The following SEL1L3 variants were observed in gnomAD, a reference collection of about 807,000 sequenced individuals.
SEL1L3 encodes the protein SEL1L family member 3.
SEL1L3 carries 76 observed loss-of-function variants against 142.8 expected under a neutral mutation model. The ratio of observed to expected loss-of-function variants is 0.53; its 90% CI spans 0.44 to 0.64. SEL1L3 has a LOEUF of 0.64. Ranked by LOEUF, SEL1L3 falls within the 30% of genes least tolerant of loss-of-function variation. The probability of loss-of-function intolerance (pLI) is 0.00; values close to 1 mark genes in which losing one functional copy is unlikely to be tolerated. For missense variants in SEL1L3, 1,262 were observed against 1,381.7 expected, an observed-to-expected ratio of 0.91 and a Z score of 1.37; for synonymous variants, 504 against 519.6, an observed-to-expected ratio of 0.97 and a Z score of 0.41.
intron 3 of SEL1L3, among the ~76,000 whole-genome samples, chr4:25,834,965 C>CA (rs1414514975): frequency 6.6e-6 from 1 of 152,150 alleles, no homozygotes; most frequent in Non-Finnish European, 1.5e-5. Flanking sequence ...TACTCGTTGT[C>CA]ATGTAAGGAG....
Position 25,847,364 on chromosome 4 carries a change from G to A in SEL1L3, c.663C>T (p.Cys221=). 1 of 1,613,958 alleles carries A rather than the reference G, an allele frequency of 6.2e-7. No individual in the cohort carries two copies. ...FERPFKDHQV[C]LEWNMGYIWN... The stretch of plus-strand genomic sequence containing the variant: ...AAATATAACCCATGTTCCACTCAAG[G>A]CACACTTGATGATCTTTGAAAGGGC... The change falls in exon 2 of 24, where the codon TGC becomes TGT. Residue 221 remains cysteine, a synonymous_variant. Coordinates refer to ENST00000399878, the MANE Select transcript of SEL1L3 (RefSeq NM_015187.5).
chr4:25,741,094 A>T, the SEL1L3 span, among the ~76,000 whole-genome samples: 1 of 135,992 alleles, frequency 7.4e-6, no homozygotes, highest in South Asian at 2.4e-4. Context: ...CATATTACCT[A>T]TATTGCTTTC....
the SEL1L3 span, among the ~76,000 whole-genome samples, chr4:25,736,980 T>TC: frequency 8.1e-6 from 1 of 123,698 alleles, no homozygotes; most frequent in African/African-American, 2.8e-5. Context: ...TCTTTTTTTT[T>TC]CTTTTTCTTT....
intron 16 of SEL1L3, among the ~76,000 whole-genome samples, chr4:25,777,110 C>T (rs745720305): frequency 5.3e-5 from 8 of 151,842 alleles, no homozygotes; most frequent in African/African-American, 1.7e-4. Flanking sequence ...CATGCATTGA[C>T]ATTTAAGAAT....
the SEL1L3 span, among the ~76,000 whole-genome samples, chr4:25,727,397 C>G: frequency 6.6e-6 from 1 of 152,096 alleles, no homozygotes; most frequent in Non-Finnish European, 1.5e-5. Context: ...ATAGGACCAC[C>G]CTAAAAACCT....
Position 25,804,614 on chromosome 4 carries a change from C to T in SEL1L3, c.1703G>A (p.Gly568Glu). The change falls in exon 10 of 24, where the codon GGA (glycine) becomes GAA (glutamate). Residue 568 changes from glycine (G) to glutamate (E), a missense_variant. Physicochemically the swap from Gly to Glu is moderately conservative, Grantham distance 98. Coordinates refer to ENST00000399878, the MANE Select transcript of SEL1L3 (RefSeq NM_015187.5). ...VPFLTDSSCCGYHKASYYLAV... is the reference protein window; with the variant it reads ...VPFLTDSSCCEYHKASYYLAV... ...AAGGTAGTAGGATGCTTTATGGTAT[C>T]CACAGCAGCTGGAATCCGTCAGAAA... 6.2e-7 allele frequency: 1 copy of T among 1,613,906 alleles called. No homozygotes were observed. Among genetic ancestry groups the T allele is most frequent in the Non-Finnish European group, 8.5e-7 (1 of 1,179,842 alleles).
chr4:25,767,013 C>A (rs1274157939), intron 19 of SEL1L3, among the ~76,000 whole-genome samples: 1 of 152,164 alleles, frequency 6.6e-6, no homozygotes, highest in Non-Finnish European at 1.5e-5. Flanking sequence ...TGTTGGGGGC[C>A]AGGTGCAGTG....
In SEL1L3 at chr4:25,765,476, T is replaced by C. The variant is rs1718656315; in HGVS notation, c.2846-41A>G. On this transcript the variant is annotated intron_variant, in intron 19 of 23. Coordinates refer to ENST00000399878, the MANE Select transcript of SEL1L3 (RefSeq NM_015187.5). The stretch of plus-strand genomic sequence containing the variant: ...CACAGATCCATTTGTCAAGTGGTTT[T>C]TTTTATACCAACATTTTAAATTATT... 2.3e-6 allele frequency: 3 copies of C among 1,289,818 alleles called. No individual in the cohort carries two copies. The African/African-American group carries it at 4.4e-5, about 19-fold the overall frequency. The allele number at this position is 1,289,818 out of a possible 1,614,324, so 79.9% of individuals were successfully genotyped here. A position where few individuals can be genotyped will look rare whatever the true frequency, so the allele number is the denominator to read the frequency against.
intron 1 of SEL1L3, among the ~76,000 whole-genome samples, chr4:25,854,193 G>A (rs982404208): frequency 2.0e-5 from 3 of 152,186 alleles, no homozygotes; most frequent in South Asian, 2.1e-4. Flanking sequence ...GGGTGTGGCC[G>A]TGGTCCCATA....
intron 17 of SEL1L3, chr4:25,770,186 TG>T (rs888316521): frequency 1.3e-5 from 2 of 151,998 alleles, no homozygotes. Flanking sequence ...TCAGAATGGG[TG>T]GGGGAGATGG....
chr4:25,720,727 C>T, the SEL1L3 span: 8 of 152,212 alleles, frequency 5.3e-5, no homozygotes, highest in South Asian at 1.5e-3. Flanking sequence ...AGCCCATCAG[C>T]GATAGTAAAG....
the SEL1L3 span, among the ~76,000 whole-genome samples, chr4:25,736,221 C>A: frequency 1.4e-5 from 2 of 147,766 alleles, no homozygotes; most frequent in African/African-American, 5.0e-5. Context: ...GATTGTGTGT[C>A]TGTGTGTGTG....
At chr4:25,714,552 C>CTTTCTTTCTTCT in the SEL1L3 span, among the ~76,000 whole-genome samples, 1 of 78,394 alleles carries the variant, frequency 1.3e-5, no homozygotes, top group Non-Finnish European at 2.6e-5. Flanking sequence ...TTCTTTCTTT[C>CTTTCTTTCTTCT]TTCTTTCTTT....
chr4:25,823,780 A>G (rs1279953517), intron 6 of SEL1L3, among the ~76,000 whole-genome samples: 1 of 152,126 alleles, frequency 6.6e-6, no homozygotes, highest in East Asian at 1.9e-4. Flanking sequence ...GAGCCGAAGG[A>G]GCAAAGGGCC....
chr4:25,769,271 G>A (rs550900423), intron 17 of SEL1L3, among the ~76,000 whole-genome samples: 12 of 152,248 alleles, frequency 7.9e-5, no homozygotes, highest in African/African-American at 2.9e-4. Context: ...CTTGGAGACC[G>A]AGAGGTGCTG....
intron 23 of SEL1L3, among the ~76,000 whole-genome samples, chr4:25,754,762 T>G (rs1717843675): frequency 6.6e-6 from 1 of 152,330 alleles, no homozygotes; most frequent in South Asian, 2.1e-4. Context: ...ATAAGAATGC[T>G]GGATGATTCA....
intron 1 of SEL1L3, among the ~76,000 whole-genome samples, chr4:25,851,470 G>A (rs1443425588): frequency 1.3e-5 from 2 of 152,052 alleles, no homozygotes; most frequent in African/African-American, 2.4e-5. Context: ...TTGCTTACAC[G>A]GATAAGAATG....
chr4:25,738,037 G>A, the SEL1L3 span, among the ~76,000 whole-genome samples: 3 of 151,932 alleles, frequency 2.0e-5, no homozygotes, highest in East Asian at 1.9e-4. Flanking sequence ...TTACAGTTAC[G>A]TGCCGCCACA....
chr4:25,772,008 A>ACTT (rs1464455212), intron 17 of SEL1L3, among the ~76,000 whole-genome samples: 42 of 152,216 alleles, frequency 2.8e-4, no homozygotes, highest in Non-Finnish European at 3.2e-4. Flanking sequence ...TTTGAAAATA[A>ACTT]CTTCTAGAAT....
Sources: allele counts gnomAD v4.1 joint callset (sites outside exome capture counted in the v4.1 genomes callset), GRCh38; gene constraint gnomAD v4.1.1; transcripts MANE v1.5; gene names NCBI Gene and HGNC (gene_info 2026-07-23, HGNC 2026-07-21).